DSCAM: variants seen among roughly 807,000 people sequenced by gnomAD.
DSCAM encodes cell adhesion molecule DSCAM.
In DSCAM, 47 loss-of-function variants were observed where a neutral mutation model predicts 217.7. The observed-to-expected ratio is 0.22, with a 90% confidence interval of 0.17 to 0.28. DSCAM has a LOEUF of 0.28. Among genes scored for constraint, DSCAM ranks in the 10% least tolerant of loss-of-function variants. The pLI is 1.00. For synonymous variants in DSCAM, 1,056 were observed against 1,015.3 expected, an observed-to-expected ratio of 1.04 and a Z score of -0.76; for missense variants, 2,080 against 2,618.3, an observed-to-expected ratio of 0.79 and a Z score of 4.49.
chr21:40,335,031 C>G (rs901274015), intron 8 of DSCAM, among the ~76,000 whole-genome samples: 3 of 152,058 alleles, frequency 2.0e-5, no homozygotes, highest in Admixed American at 6.6e-5. Flanking sequence ...TCTGTTATTC[C>G]TCAAGCTTGC....
intron 1 of DSCAM, among the ~76,000 whole-genome samples, chr21:40,748,343 C>CA (rs35073664): frequency 0.38 from 56,923 of 148,582 alleles, 11,800 homozygotes; most frequent in East Asian, 0.46. Flanking sequence ...AAGACTCCAT[C>CA]AAAAAAAAAA....
At chr21:40,362,835 T>G (rs1228026498) in intron 4 of DSCAM, among the ~76,000 whole-genome samples, 5 of 152,192 alleles carry the variant, frequency 3.3e-5, no homozygotes, top group African/African-American at 9.7e-5. Context: ...TAAGTATATA[T>G]GTACATATGT....
Position 40,821,393 on chromosome 21 carries a change from G to GCACA in DSCAM, c.43+25222_43+25225dup, listed in dbSNP as rs146285607. Among the ~76,000 whole-genome samples the GCACA allele has an allele frequency of 3.9e-4, 57 of 146,222 alleles. 1 individual carries two copies. The highest frequency in any genetic ancestry group is 1.5e-3 in the Admixed American group (22 of 14,566). On this transcript the variant is annotated intron_variant, in intron 1 of 32. Coordinates refer to ENST00000400454, the MANE Select transcript of DSCAM (RefSeq NM_001389.5). ...CATGCACACACACAGACACACGCGC[G>GCACA]CACACACACACACACACACACACAC...
chr21:40,739,354 GACA>G (rs1371004158), intron 1 of DSCAM, among the ~76,000 whole-genome samples: 2 of 152,162 alleles, frequency 1.3e-5, no homozygotes, highest in African/African-American at 2.4e-5. Flanking sequence ...TGTATTCTTT[GACA>G]ACAACTTTCT....
intron 3 of DSCAM, among the ~76,000 whole-genome samples, chr21:40,580,100 G>A (rs1335112866): frequency 2.7e-5 from 4 of 146,618 alleles, no homozygotes; most frequent in African/African-American, 1.0e-4. Context: ...TTTTTTTCCT[G>A]AGACAGAGTC....
At chr21:40,643,802 T>G (rs930801875) in intron 3 of DSCAM, among the ~76,000 whole-genome samples, 1 of 152,162 alleles carries the variant, frequency 6.6e-6, no homozygotes, top group African/African-American at 2.4e-5. Flanking sequence ...GAGCACACAA[T>G]GAGTATGCAG....
At chr21:40,561,887 C>T (rs2076723177) in intron 3 of DSCAM, among the ~76,000 whole-genome samples, 1 of 152,182 alleles carries the variant, frequency 6.6e-6, no homozygotes, top group Admixed American at 6.5e-5. Context: ...GTATACACTC[C>T]AATTTTTAAA....
At chr21:40,123,840 CT>C (rs1218488706) in intron 20 of DSCAM, among the ~76,000 whole-genome samples, 1 of 151,866 alleles carries the variant, frequency 6.6e-6, no homozygotes, top group East Asian at 1.9e-4. Flanking sequence ...GCGTGAAGTG[CT>C]TATCATGATG....
At chr21:40,599,042 T>C (rs2077043075) in intron 3 of DSCAM, among the ~76,000 whole-genome samples, 1 of 152,200 alleles carries the variant, frequency 6.6e-6, no homozygotes, top group Non-Finnish European at 1.5e-5. Flanking sequence ...TTTTTAACAT[T>C]GGATCATTTG....
intron 3 of DSCAM, among the ~76,000 whole-genome samples, chr21:40,500,353 CTATGTCTT>C (rs1221245897): frequency 6.6e-6 from 1 of 152,010 alleles, no homozygotes; most frequent in Non-Finnish European, 1.5e-5. Context: ...TTTCTGTAGT[CTATGTCTT>C]TATGTCTTTC....
At chr21:40,755,005 T>A (rs2091262042) in intron 1 of DSCAM, among the ~76,000 whole-genome samples, 1 of 152,108 alleles carries the variant, frequency 6.6e-6, no homozygotes, top group African/African-American at 2.4e-5. Context: ...GAACAAAGCT[T>A]GGAGGTCTAA....
At chr21:40,688,872 C>T (rs1315624375) in intron 3 of DSCAM, among the ~76,000 whole-genome samples, 1 of 152,212 alleles carries the variant, frequency 6.6e-6, no homozygotes, top group Non-Finnish European at 1.5e-5. Context: ...CCAAAGGTCA[C>T]TCCAAATCAA....
chr21:40,526,093 T>C (rs1170444946), intron 3 of DSCAM, among the ~76,000 whole-genome samples: 1 of 152,154 alleles, frequency 6.6e-6, no homozygotes, highest in African/African-American at 2.4e-5. Flanking sequence ...TGGGCCTGCC[T>C]CTGAAAGAAG....
intron 32 of DSCAM, among the ~76,000 whole-genome samples, chr21:40,030,912 G>A (rs1215610765): frequency 6.6e-6 from 1 of 152,044 alleles, no homozygotes; most frequent in Non-Finnish European, 1.5e-5. Context: ...TATGTACATG[G>A]GGTCTTCTGC....
At chr21:40,223,466 A>C (rs1185325868) in intron 11 of DSCAM, among the ~76,000 whole-genome samples, 2 of 152,200 alleles carry the variant, frequency 1.3e-5, no homozygotes, top group Admixed American at 1.3e-4. Context: ...AACACAGGTA[A>C]AAAAAGCTCC....
intron 1 of DSCAM, among the ~76,000 whole-genome samples, chr21:40,722,583 T>G (rs1036347096): frequency 1.3e-5 from 2 of 151,996 alleles, no homozygotes; most frequent in African/African-American, 4.8e-5. Flanking sequence ...AATACTCCAT[T>G]AATCCAAAAG....
At chr21:40,038,076 C>T (rs1193161748) in intron 32 of DSCAM, among the ~76,000 whole-genome samples, 1 of 151,690 alleles carries the variant, frequency 6.6e-6, no homozygotes, top group Admixed American at 6.6e-5. Flanking sequence ...AGAAGAAAAC[C>T]TAGGCATTAC....
At chr21:40,475,476 T>TA (rs1487284144) in intron 3 of DSCAM, among the ~76,000 whole-genome samples, 3 of 152,220 alleles carry the variant, frequency 2.0e-5, no homozygotes, top group Non-Finnish European at 4.4e-5. Flanking sequence ...CGTCCTGGCC[T>TA]CCTTATGATT....
At chr21:40,830,516 G>A (rs748216729) in intron 1 of DSCAM, among the ~76,000 whole-genome samples, 5 of 152,170 alleles carry the variant, frequency 3.3e-5, no homozygotes, top group Non-Finnish European at 7.4e-5. Flanking sequence ...GAAACCAGCT[G>A]ACCTATCTGG....
Sources: allele counts gnomAD v4.1 joint callset (sites outside exome capture counted in the v4.1 genomes callset), GRCh38; gene constraint gnomAD v4.1.1; transcripts MANE v1.5; gene names NCBI Gene and HGNC (gene_info 2026-07-23, HGNC 2026-07-21).